Variants in OSBPL8 observed in about 807,000 individuals in gnomAD.
OSBPL8 encodes the protein oxysterol-binding protein-related protein 8.
OSBPL8 carries 59 observed loss-of-function variants against 125.5 expected under a neutral mutation model. The observed-to-expected ratio is 0.47, with a 90% CI of 0.38 to 0.58. The LOEUF (loss-of-function observed/expected upper bound fraction) is 0.58. Ranked by LOEUF, OSBPL8 falls within the 20% of genes least tolerant of loss-of-function variation. The probability of loss-of-function intolerance (pLI) is 0.00; values close to 1 mark genes in which losing one functional copy is unlikely to be tolerated. For synonymous variants in OSBPL8, 330 were observed against 338.9 expected (o/e 0.97, Z 0.29); for missense variants, 758 against 1,047.8 (o/e 0.72, Z 3.82).
At chr12:76,478,930 A>G (rs568119670) in intron 2 of OSBPL8, among the ~76,000 whole-genome samples, 2 of 152,178 alleles carry the variant, frequency 1.3e-5, no homozygotes, top group African/African-American at 4.8e-5. Context: ...CTAAAAATAC[A>G]AAAAATTAGC....
At chr12:76,436,384 T>G (rs1322923536) in intron 4 of OSBPL8, among the ~76,000 whole-genome samples, 1 of 152,170 alleles carries the variant, frequency 6.6e-6, no homozygotes, top group Non-Finnish European at 1.5e-5. Context: ...ATCTTTAGCA[T>G]GTACCCACAA....
chr12:76,511,545 C>T (rs1880990038), intron 1 of OSBPL8, among the ~76,000 whole-genome samples: 2 of 152,118 alleles, frequency 1.3e-5, no homozygotes, highest in Admixed American at 1.3e-4. Flanking sequence ...AGTGTCTGTT[C>T]ATGTCTTTTG....
In OSBPL8 at chr12:76,495,836, T is replaced by C. The variant is rs534436804; in HGVS notation, c.-67-8218A>G. On this transcript the variant is annotated intron_variant, in intron 1 of 23. Transcript: ENST00000261183. Reference sequence around the variant, plus strand: ...AGTCTGAAGACCTATCCTTCTCCAGTTCAGGGAAGTTTCTTCTGCTTTTTT... The same window carrying C: ...AGTCTGAAGACCTATCCTTCTCCAGCTCAGGGAAGTTTCTTCTGCTTTTTT... 9.5e-4 allele frequency among the ~76,000 whole-genome samples: 145 copies of C among 152,342 alleles called. 1 individual carries two copies. Among genetic ancestry groups the C allele is most frequent in the African/African-American group, 3.4e-3 (140 of 41,582 alleles).
intron 1 of OSBPL8, among the ~76,000 whole-genome samples, chr12:76,532,268 T>A (rs897863088): frequency 2.6e-5 from 4 of 152,010 alleles, no homozygotes; most frequent in Non-Finnish European, 4.4e-5. Flanking sequence ...AAGCACTTAA[T>A]ATATTTAAGA....
At chr12:76,480,167 CA>C (rs57582036) in intron 2 of OSBPL8, among the ~76,000 whole-genome samples, 13,623 of 56,322 alleles carry the variant, frequency 0.24, 178 homozygotes, top group Non-Finnish European at 0.28. Flanking sequence ...AACTCCATCT[CA>C]AAAAAAAAAA....
chr12:76,457,707 A>G (rs1368160070), intron 3 of OSBPL8, among the ~76,000 whole-genome samples: 1 of 152,124 alleles, frequency 6.6e-6, no homozygotes, highest in Non-Finnish European at 1.5e-5. Context: ...TATGTTGTAT[A>G]TTTTTATTTA....
chr12:76,388,118 A>T (rs185013991), intron 12 of OSBPL8, among the ~76,000 whole-genome samples: 46 of 152,328 alleles, frequency 3.0e-4, no homozygotes, highest in African/African-American at 1.0e-3. Context: ...ATTCTTCCTT[A>T]TATGGGTGGA....
intron 1 of OSBPL8, among the ~76,000 whole-genome samples, chr12:76,519,966 A>G (rs747009752): frequency 3.3e-5 from 5 of 152,190 alleles, no homozygotes; most frequent in Non-Finnish European, 4.4e-5. Context: ...CATCCAAACC[A>G]TATCAGTACA....
intron 1 of OSBPL8, among the ~76,000 whole-genome samples, chr12:76,525,164 C>A (rs1336866806): frequency 1.3e-5 from 2 of 152,018 alleles, no homozygotes; most frequent in Non-Finnish European, 2.9e-5. Context: ...TTGTTTGAAT[C>A]CTGATACGAA....
At position 76,397,862 on chromosome 12, in the gene OSBPL8, C is replaced by T. The variant is rs1316224289; in HGVS notation, c.504G>A (p.Trp168Ter). ...RGTLKSWTKL[W>*]CVLKPGVLLI... ...GTAGCACCCCAGGTTTCAACACACACCATAACTTGGTCCAGCTCTTTAGAG... is the reference window on the plus strand; with the variant it reads ...GTAGCACCCCAGGTTTCAACACACATCATAACTTGGTCCAGCTCTTTAGAG... Residue 168 changes from tryptophan to a stop codon, truncating the protein, a stop_gained, in exon 8 of 24, where the codon TGG becomes TGA. Coordinates refer to ENST00000261183, the MANE Select transcript of OSBPL8 (RefSeq NM_020841.5). LOFTEE classifies it high-confidence loss of function. The T allele has an allele frequency of 6.2e-7, 1 of 1,613,934 alleles. No homozygotes were observed. Among genetic ancestry groups the T allele is most frequent in the Non-Finnish European group, 8.5e-7 (1 of 1,179,996 alleles).
chr12:76,364,860 T>G (rs1248374326), intron 21 of OSBPL8, among the ~76,000 whole-genome samples: 1 of 152,158 alleles, frequency 6.6e-6, no homozygotes, highest in African/African-American at 2.4e-5. Flanking sequence ...CCCCTTGCAA[T>G]TCCATGTGAA....
intron 22 of OSBPL8, among the ~76,000 whole-genome samples, chr12:76,358,342 G>C (rs1952067735): frequency 6.6e-6 from 1 of 151,796 alleles, no homozygotes; most frequent in South Asian, 2.1e-4. Flanking sequence ...ACCGCACCTG[G>C]CTAATTTTTT....
chr12:76,392,145 G>C (rs570674991), intron 10 of OSBPL8, among the ~76,000 whole-genome samples: 6 of 93,316 alleles, frequency 6.4e-5, no homozygotes, highest in African/African-American at 2.7e-4. Context: ...ATACCAGGTA[G>C]AGTTAAGTCC....
intron 1 of OSBPL8, among the ~76,000 whole-genome samples, chr12:76,504,010 C>T (rs752795268): frequency 1.4e-4 from 21 of 146,672 alleles, no homozygotes; most frequent in Admixed American, 2.7e-4. Flanking sequence ...ATGTGTTTAA[C>T]ATTTAGATCA....
intron 1 of OSBPL8, among the ~76,000 whole-genome samples, chr12:76,506,474 C>T (rs553813160): frequency 2.2e-4 from 33 of 152,234 alleles, no homozygotes; most frequent in Admixed American, 1.4e-3. Flanking sequence ...AAGATCAGAG[C>T]GCTGAGGTGC....
At chr12:76,509,470 A>G (rs1880761849) in intron 1 of OSBPL8, among the ~76,000 whole-genome samples, 1 of 152,200 alleles carries the variant, frequency 6.6e-6, no homozygotes, top group South Asian at 2.1e-4. Context: ...TCCTATTCAT[A>G]CGTACTTTGA....
intron 4 of OSBPL8, among the ~76,000 whole-genome samples, chr12:76,436,862 T>G (rs1180880263): frequency 6.6e-6 from 1 of 152,210 alleles, no homozygotes; most frequent in Non-Finnish European, 1.5e-5. Flanking sequence ...CCAATTCTGT[T>G]TACTCATTCC....
chr12:76,539,344 A>G (rs1436583301), intron 1 of OSBPL8, among the ~76,000 whole-genome samples: 1 of 152,204 alleles, frequency 6.6e-6, no homozygotes, highest in Non-Finnish European at 1.5e-5. Flanking sequence ...AAAGTCAAAA[A>G]GGGCAAAGAA....
chr12:76,429,934 T>C (rs1380344942), intron 4 of OSBPL8, among the ~76,000 whole-genome samples: 3 of 151,586 alleles, frequency 2.0e-5, no homozygotes, highest in Admixed American at 6.6e-5. Context: ...GTAGCCTTAC[T>C]GATTCATGGT....
Sources: gnomAD v4.1 joint callset for allele counts (sites outside exome capture counted in the v4.1 genomes callset) on GRCh38, gnomAD v4.1.1 for gene constraint, MANE v1.5 for transcripts, NCBI Gene and HGNC (gene_info 2026-07-23, HGNC 2026-07-21) for gene names.